LPP: variants seen among roughly 807,000 people sequenced by gnomAD.
The protein encoded by LPP is lipoma-preferred partner.
A neutral mutation model predicts 60.4 loss-of-function variants in LPP; 38 were observed. The observed-to-expected ratio is 0.63, with a 90% CI of 0.49 to 0.83. The LOEUF (loss-of-function observed/expected upper bound fraction) is 0.83, where lower values mean the gene tolerates loss of function less well. Among genes scored for constraint, LPP ranks in the 40% least tolerant of loss-of-function variants. The pLI, the probability that LPP is intolerant of heterozygous loss-of-function variation, is 0.00. For missense variants in LPP, 902 were observed against 783.6 expected (o/e 1.15, Z -1.80); for synonymous variants, 328 against 290.8 (o/e 1.13, Z -1.30).
intron 1 of LPP, among the ~76,000 whole-genome samples, chr3:188,165,675 G>T (rs527900423): frequency 1.3e-5 from 2 of 152,318 alleles, no homozygotes; most frequent in East Asian, 3.9e-4. Flanking sequence ...GAAGGCAAGG[G>T]TGCTAGAGAC....
chr3:188,658,560 C>T (rs939895184), intron 7 of LPP, among the ~76,000 whole-genome samples: 1 of 152,176 alleles, frequency 6.6e-6, no homozygotes, highest in African/African-American at 2.4e-5. Flanking sequence ...GCTGCTTCTT[C>T]CTGGCATTTG....
intron 9 of LPP, among the ~76,000 whole-genome samples, chr3:188,791,995 G>A (rs920131274): frequency 6.6e-6 from 1 of 152,112 alleles, no homozygotes; most frequent in Admixed American, 6.5e-5. Context: ...ATGAGCTCTA[G>A]TGAGTAAGCG....
chr3:188,231,167 G>A (rs1458763605), intron 2 of LPP, among the ~76,000 whole-genome samples: 2 of 152,112 alleles, frequency 1.3e-5, no homozygotes, highest in East Asian at 3.9e-4. Flanking sequence ...TTCTCTTTAC[G>A]AGAAGCGAGT....
chr3:188,408,451 T>A (rs1784184044), intron 4 of LPP, among the ~76,000 whole-genome samples: 1 of 152,178 alleles, frequency 6.6e-6, no homozygotes, highest in Non-Finnish European at 1.5e-5. Context: ...AACACTGAAG[T>A]GATTTGTTTG....
chr3:188,316,559 T>A (rs1034921495), intron 2 of LPP, among the ~76,000 whole-genome samples: 7 of 152,196 alleles, frequency 4.6e-5, no homozygotes, highest in African/African-American at 1.4e-4. Context: ...TTGGACACTT[T>A]AGGCTAAATT....
intron 9 of LPP, among the ~76,000 whole-genome samples, chr3:188,823,171 T>G (rs1352431777): frequency 6.6e-6 from 1 of 152,254 alleles, no homozygotes; most frequent in East Asian, 1.9e-4. Flanking sequence ...CTAGAAGAGA[T>G]GGGTGAAAAT....
intron 2 of LPP, among the ~76,000 whole-genome samples, chr3:188,335,975 T>C (rs946978522): frequency 5.9e-5 from 9 of 152,192 alleles, no homozygotes; most frequent in African/African-American, 1.7e-4. Flanking sequence ...AGGGTCTCCA[T>C]GCAGCTTCTA....
At chr3:188,339,048 C>G (rs1234797493) in intron 2 of LPP, among the ~76,000 whole-genome samples, 3 of 152,032 alleles carry the variant, frequency 2.0e-5, no homozygotes, top group South Asian at 2.1e-4. Flanking sequence ...TCCTGTTTTT[C>G]TCCAAAATAT....
chr3:188,778,173 G>A (rs1455451223), intron 9 of LPP, among the ~76,000 whole-genome samples: 6 of 152,106 alleles, frequency 3.9e-5, no homozygotes, highest in Admixed American at 6.5e-5. Context: ...CAATTCAGTA[G>A]CAAAGAACAC....
In LPP at chr3:188,874,821, T is replaced by A; in HGVS notation, c.*342T>A. The A allele has an allele frequency of 4.0e-6, 1 of 249,980 alleles. No individual in the cohort carries two copies. 15.5% of individuals were successfully genotyped at this position (249,980 alleles called of 1,614,324 possible). ...TGAATGGCTTTTCTTAGTGTGGTATTTGCTGTCACATAGTTTTTCCTGGGT... is the reference window on the plus strand; with the variant it reads ...TGAATGGCTTTTCTTAGTGTGGTATATGCTGTCACATAGTTTTTCCTGGGT... On this transcript the variant is annotated 3_prime_UTR_variant, in exon 12 of 12. Coordinates refer to ENST00000617246, the MANE Select transcript of LPP (RefSeq NM_001375462.1).
intron 7 of LPP, among the ~76,000 whole-genome samples, chr3:188,621,212 CT>C (rs1845742939): frequency 6.7e-6 from 1 of 150,366 alleles, no homozygotes; most frequent in Non-Finnish European, 1.5e-5. Flanking sequence ...TTAATTTCAG[CT>C]TTTATTTTAG....
chr3:188,599,736 C>T (rs945710405), intron 6 of LPP, among the ~76,000 whole-genome samples: 5 of 128,878 alleles, frequency 3.9e-5, no homozygotes, highest in East Asian at 2.4e-4. Context: ...CAAAAACTAT[C>T]GGGGACTCGT....
intron 4 of LPP, among the ~76,000 whole-genome samples, chr3:188,445,553 G>A (rs1232541901): frequency 6.6e-6 from 1 of 151,924 alleles, no homozygotes; most frequent in African/African-American, 2.4e-5. Flanking sequence ...CAGGTTGACG[G>A]ATGCAGCAAA....
chr3:188,818,491 T>G (rs1753069259), intron 9 of LPP, among the ~76,000 whole-genome samples: 1 of 152,226 alleles, frequency 6.6e-6, no homozygotes, highest in Non-Finnish European at 1.5e-5. Flanking sequence ...CACAGGACTC[T>G]GGACTTTCAC....
chr3:188,354,826 CACACACACAG>C (rs1376343174), intron 3 of LPP, among the ~76,000 whole-genome samples: 1 of 48,182 alleles, frequency 2.1e-5, no homozygotes, highest in Non-Finnish European at 4.0e-5. Flanking sequence ...TGCGCGCACA[CACACACACAG>C]ACACACACAC....
At chr3:188,362,840 G>A in intron 3 of LPP, among the ~76,000 whole-genome samples, 1 of 152,142 alleles carries the variant, frequency 6.6e-6, no homozygotes, top group Non-Finnish European at 1.5e-5. Context: ...CATGTCAGTA[G>A]CTTTTGATGA....
chr3:188,800,437 G>T (rs910523959), intron 9 of LPP, among the ~76,000 whole-genome samples: 8 of 151,682 alleles, frequency 5.3e-5, no homozygotes, highest in African/African-American at 1.7e-4. Flanking sequence ...AGTAGAGGTG[G>T]GGTTTCATCG....
chr3:188,368,693 C>T (rs1212254872), intron 3 of LPP, among the ~76,000 whole-genome samples: 2 of 105,138 alleles, frequency 1.9e-5, no homozygotes, highest in Non-Finnish European at 3.6e-5. Context: ...CACACACACA[C>T]ACACACACAC....
intron 2 of LPP, among the ~76,000 whole-genome samples, chr3:188,306,432 G>T (rs1751569014): frequency 6.6e-6 from 1 of 152,130 alleles, no homozygotes. Context: ...ATTGTGGGAT[G>T]AATGGAGCTA....
Sources: allele counts gnomAD v4.1 joint callset (sites outside exome capture counted in the v4.1 genomes callset), GRCh38; gene constraint gnomAD v4.1.1; transcripts MANE v1.5; gene names NCBI Gene and HGNC (gene_info 2026-07-23, HGNC 2026-07-21).